Variants in ABCB6 observed in about 807,000 individuals in gnomAD.
ABCB6 encodes ATP-binding cassette sub-family B member 6.
Under a neutral mutation model 99.4 loss-of-function variants are expected in ABCB6, and 87 were observed. The ratio of observed to expected loss-of-function variants is 0.88; its 90% CI spans 0.74 to 1.05. ABCB6 has a LOEUF of 1.05. Among genes scored for constraint, ABCB6 ranks in the 50% least tolerant of loss-of-function variants. ABCB6 has a pLI of 0.00. For missense variants in ABCB6, 1,050 were observed against 1,097.9 expected, an observed-to-expected ratio of 0.96 and a Z score of 0.62; for synonymous variants, 482 against 447.5, an observed-to-expected ratio of 1.08 and a Z score of -0.97.
At chr2:219,212,344 C>A in intron 14 of ABCB6, 43 bp downstream of exon 14, 2 of 1,548,560 alleles carry the variant, frequency 1.3e-6, no homozygotes, top group South Asian at 2.2e-5. Flanking sequence ...CATTCCTCCA[C>A]ACGTAGACCC....
chr2:219,211,083 T>G lies in ABCB6; in HGVS notation c.1994A>C (p.His665Pro), dbSNP rs772779797. ...AGTGTCTTGGGGCACAACTCCAATG[T>G]GAGACCGGAGAGAGGCCTGGGTCAC... Reference protein sequence around the residue: ...SQVTQASLRSHIGVVPQDTVL... With the variant: ...SQVTQASLRSPIGVVPQDTVL... The change falls in exon 15 of 19, where the codon CAC becomes CCC. Residue 665 changes from histidine to proline, a missense_variant. Transcript: ENST00000265316. 1 of 1,614,168 alleles carries G rather than the reference T, an allele frequency of 6.2e-7. No individual in the cohort carries two copies. The highest frequency in any genetic ancestry group is 8.5e-7 in the Non-Finnish European group (1 of 1,180,022).
chr2:219,211,764 ATTTT>A (rs56903380), intron 14 of ABCB6, among the ~76,000 whole-genome samples: 1 of 132,954 alleles, frequency 7.5e-6, no homozygotes, highest in African/African-American at 2.9e-5. Context: ...TGGCCAGCTA[ATTTT>A]TTTTTTTTTT....
In ABCB6 at chr2:219,211,033, C is replaced by T. The variant is rs144295428; in HGVS notation, c.2044G>A (p.Asp682Asn). 33 of 1,614,028 alleles carry T rather than the reference C, an allele frequency of 2.0e-5. No homozygotes were observed. The highest frequency in any genetic ancestry group is 3.3e-4 in the Middle Eastern group (2 of 6,084). Residue 682 changes from aspartate to asparagine, a missense_variant, in exon 15 of 19, where the codon GAC becomes AAC. Asp to Asn is a conservative substitution (Grantham distance 23). Coordinates refer to ENST00000265316, the MANE Select transcript of ABCB6 (RefSeq NM_005689.4). ...DTVLFNDTIADNIRYGRVTAG... is the reference protein window; with the variant it reads ...DTVLFNDTIANNIRYGRVTAG... ...GTGACACGGCCGTAACGGATATTGT[C>T]GGCGATGGTGTCATTAAAGAGGACA...
Position 219,213,421 on chromosome 2 carries a change from T to C in ABCB6, c.1719+18A>G, listed in dbSNP as rs200742967. 6.2e-7 allele frequency: 1 copy of C among 1,613,962 alleles called. No homozygotes were observed. Among genetic ancestry groups the C allele is most frequent in the Non-Finnish European group, 8.5e-7 (1 of 1,180,002 alleles). On this transcript the variant is annotated intron_variant, in intron 11 of 18. Transcript: ENST00000265316. ...CAGCTCCTCCCTCCCCAAACCCTAC[T>C]CCTCTCCCTTCGCTCACTTCTGTCT... is the stretch of plus-strand genomic sequence containing the variant.
intron 5 of ABCB6, 162 bp downstream of exon 5, chr2:219,215,835 T>C: frequency 4.3e-6 from 3 of 691,582 alleles, no homozygotes; most frequent in Non-Finnish European, 6.5e-6. Context: ...CCGCATTACC[T>C]AAGTTATTAG....
chr2:219,213,771 G>A (rs1400496573), intron 9 of ABCB6, 55 bp downstream of exon 9: 2 of 1,613,278 alleles, frequency 1.2e-6, no homozygotes, highest in Non-Finnish European at 8.5e-7. Flanking sequence ...CCAGACACAG[G>A]CCTCAGGCCC....
In ABCB6 at chr2:219,216,122, C is replaced by G; in HGVS notation, c.1029G>C (p.Arg343=). 1 of 1,598,104 alleles carries G rather than the reference C, an allele frequency of 6.3e-7. No individual in the cohort carries two copies. Among genetic ancestry groups the G allele is most frequent in the Non-Finnish European group, 8.5e-7 (1 of 1,173,130 alleles). ...LWIRVQQFTS[R]RVELLIFSHL... is the part of the protein sequence containing the mutation. ...GGGAGAAGATGAGCAGCTCCACCCG[C>G]CGAGACGTGAACTGCTGCACCCGGA... is the stretch of plus-strand genomic sequence containing the variant. Residue 343 remains arginine (R), a synonymous_variant, in exon 5 of 19, where the codon CGG becomes CGC. Transcript: ENST00000265316. This position sits in a 1 kb window ranked among gnomAD's most constrained non-coding sequence, Gnocchi z 4.2.
intron 14 of ABCB6, 107 bp from the exon 15 acceptor site, chr2:219,211,215 C>T (rs1449279577): frequency 4.2e-6 from 5 of 1,189,352 alleles, no homozygotes; most frequent in Admixed American, 3.6e-5. Context: ...GGTAATAATC[C>T]CACCATCACT....
At chr2:219,213,184 C>T (rs966358048) in intron 12 of ABCB6, 57 bp downstream of exon 12, 3 of 1,608,286 alleles carry the variant, frequency 1.9e-6, no homozygotes, top group South Asian at 1.1e-5. Context: ...CACTGAGAAG[C>T]AGGAAGGCAG....
intron 8 of ABCB6, 65 bp downstream of exon 8, chr2:219,214,056 T>C: frequency 6.2e-7 from 1 of 1,613,026 alleles, no homozygotes; most frequent in Non-Finnish European, 8.5e-7. Flanking sequence ...ACTATCACTC[T>C]TGGCCCTGAA....
chr2:219,214,351 T>A, intron 7 of ABCB6, 38 bp downstream of exon 7: 3 of 1,563,674 alleles, frequency 1.9e-6, no homozygotes, highest in Non-Finnish European at 2.6e-6. Context: ...CCTCCACATC[T>A]CCACGCCTCA....
intron 16 of ABCB6, 70 bp downstream of exon 16, chr2:219,210,641 G>A: frequency 1.2e-6 from 2 of 1,608,332 alleles, no homozygotes; most frequent in Non-Finnish European, 8.5e-7. Context: ...TTCTAGGTGG[G>A]GACAGTGCCC....
In ABCB6 at chr2:219,218,866, C is replaced by G; in HGVS notation, c.-193G>C. ...CACTCCCCTAGCGCACGCGCCGCCG[C>G]CACGCACTCACGCAGGGCACGTACG... On this transcript the variant is annotated 5_prime_UTR_variant, in exon 1 of 19. Transcript: ENST00000265316. 1 of 589,630 alleles carries G rather than the reference C, an allele frequency of 1.7e-6. No homozygotes were observed. Among genetic ancestry groups the G allele is most frequent in the Non-Finnish European group, 2.8e-6 (1 of 355,574 alleles). 36.5% of individuals were successfully genotyped at this position (589,630 alleles called of 1,614,324 possible). A position where few individuals can be genotyped will look rare whatever the true frequency, so the allele number is the denominator to read the frequency against.
In ABCB6 at chr2:219,218,760, G is replaced by T; in HGVS notation, c.-87C>A. ...ACTCGGAGAGGGGCGCGGACATCCG[G>T]GTGCCTTGGCTCACGTAGCCGCTGG... On this transcript the variant is annotated 5_prime_UTR_variant, in exon 1 of 19. Coordinates refer to ENST00000265316, the MANE Select transcript of ABCB6 (RefSeq NM_005689.4). The T allele has an allele frequency of 2.9e-6, 4 of 1,403,276 alleles. No homozygotes were observed. The South Asian group carries it at 6.0e-5, about 21-fold the overall frequency. The allele number at this position is 1,403,276 out of a possible 1,614,324, so 86.9% of individuals were successfully genotyped here. A position where few individuals can be genotyped will look rare whatever the true frequency, so the allele number is the denominator to read the frequency against.
rs766352670 is a variant in ABCB6 at position 219,218,607 on chromosome 2, G to A, written c.67C>T (p.Leu23=). Residue 23 remains leucine, a synonymous_variant, in exon 1 of 19, where the codon CTG becomes TTG. Coordinates refer to ENST00000265316, the MANE Select transcript of ABCB6 (RefSeq NM_005689.4). Reference sequence around the variant, plus strand: ...AGCGTGAAGAAGAAGCAGGGACTCAGGCCATCCTGCATCCAGGCCGGACCC... The same window carrying A: ...AGCGTGAAGAAGAAGCAGGGACTCAAGCCATCCTGCATCCAGGCCGGACCC... ...PVGPAWMQDG[L]SPCFFFTLVP... 11 of 1,611,986 alleles carry A rather than the reference G, an allele frequency of 6.8e-6. No homozygotes were observed. Among genetic ancestry groups the A allele is most frequent in the South Asian group, 4.4e-5 (4 of 90,950 alleles).
In ABCB6 at chr2:219,213,733, G is replaced by A; in HGVS notation, c.1579-67C>T. ...CAGGCCGCTCTTCTTGTGTCACCCT[G>A]CCCACTTCCTACCGAAGAGCCTGGT... is the stretch of plus-strand genomic sequence containing the variant. On this transcript the variant is annotated intron_variant, in intron 9 of 18. Transcript: ENST00000265316. 3.5e-5 allele frequency: 56 copies of A among 1,613,480 alleles called. 1 individual carries two copies. In the South Asian group the frequency reaches 6.0e-4, roughly 17 times the overall value.
rs965484086 is a variant in ABCB6 at position 219,210,124 on chromosome 2, C to T, written c.2421-78G>A. 126 of 1,595,482 alleles carry T rather than the reference C, an allele frequency of 7.9e-5. 1 individual carries two copies. In the African/African-American group the frequency reaches 9.8e-4, roughly 12 times the overall value. On this transcript the variant is annotated intron_variant, in intron 18 of 18. Coordinates refer to ENST00000265316, the MANE Select transcript of ABCB6 (RefSeq NM_005689.4). ...CCTTGCCACCAGCCCACAGAGAGGA[C>T]GGGATGGGAAGGGAGGTCCCCTCCA...
At chr2:219,212,981 G>T (rs756642643) in intron 13 of ABCB6, 27 bp downstream of exon 13, 1 of 1,612,962 alleles carries the variant, frequency 6.2e-7, no homozygotes, top group South Asian at 1.1e-5. Context: ...TGAGGCATCT[G>T]GGCCAAGTGG....
At chr2:219,212,255 T>C in intron 14 of ABCB6, 132 bp downstream of exon 14, 1 of 696,166 alleles carries the variant, frequency 1.4e-6, no homozygotes, top group East Asian at 2.7e-5. Flanking sequence ...CTTGTGTGAC[T>C]GTAGGTTATA....
Sources: allele counts gnomAD v4.1 joint callset (sites outside exome capture counted in the v4.1 genomes callset), GRCh38; gene constraint gnomAD v4.1.1; non-coding constraint Gnocchi (gnomAD v3.1); transcripts MANE v1.5; gene names NCBI Gene and HGNC (gene_info 2026-07-23, HGNC 2026-07-21).